SMG6: variants seen among roughly 807,000 people sequenced by gnomAD.
SMG6 encodes SMG6 nonsense mediated mRNA decay factor.
Under a neutral mutation model 142.2 loss-of-function variants are expected in SMG6, and 66 were observed. The observed-to-expected ratio is 0.46, with a 90% confidence interval of 0.38 to 0.57. The LOEUF (loss-of-function observed/expected upper bound fraction) is 0.57. Among genes scored for constraint, SMG6 ranks in the 20% least tolerant of loss-of-function variants. SMG6 has a pLI of 0.00. For missense variants in SMG6, 1,793 were observed against 1,832.0 expected (o/e 0.98, Z 0.39); for synonymous variants, 779 against 702.4 (o/e 1.11, Z -1.72).
chr17:2,291,132 C>T (rs772740666), intron 6 of SMG6, among the ~76,000 whole-genome samples: 8 of 152,084 alleles, frequency 5.3e-5, no homozygotes, highest in Non-Finnish European at 8.8e-5. Context: ...GAGGTCGAGA[C>T]CATCCTGGCT....
intron 13 of SMG6, among the ~76,000 whole-genome samples, chr17:2,092,730 C>T (rs2068757782): frequency 4.6e-5 from 7 of 152,188 alleles, no homozygotes; most frequent in Admixed American, 3.3e-4. Flanking sequence ...AAAACAGGGC[C>T]ATTCTGGCAA....
intron 10 of SMG6, among the ~76,000 whole-genome samples, chr17:2,205,261 G>C (rs2072643651): frequency 6.6e-6 from 1 of 151,884 alleles, no homozygotes; most frequent in Non-Finnish European, 1.5e-5. Context: ...TAGAAATTGA[G>C]TTTCACCATG....
At chr17:2,172,367 A>G (rs1355708962) in intron 13 of SMG6, among the ~76,000 whole-genome samples, 1 of 152,162 alleles carries the variant, frequency 6.6e-6, no homozygotes, top group African/African-American at 2.4e-5. Flanking sequence ...AACCATTTGG[A>G]GCTGAGTGAG....
chr17:2,218,239 C>T (rs376269808), intron 10 of SMG6, among the ~76,000 whole-genome samples: 3 of 151,756 alleles, frequency 2.0e-5, no homozygotes, highest in African/African-American at 7.3e-5. Context: ...ACAATTCATT[C>T]GTTAGTAAAA....
At chr17:2,230,508 G>A (rs894679116) in intron 10 of SMG6, among the ~76,000 whole-genome samples, 1 of 151,882 alleles carries the variant, frequency 6.6e-6, no homozygotes, top group Admixed American at 6.6e-5. Flanking sequence ...TATGATAAAA[G>A]GCTTAATTTT....
chr17:2,236,699 TCTCACACACACA>T (rs1316401685), intron 9 of SMG6, 62 bp from the exon 10 acceptor site: 84 of 1,460,652 alleles, frequency 5.8e-5, no homozygotes, highest in Middle Eastern at 2.5e-4. Flanking sequence ...TCTCACTCTG[TCTCACACACACA>T]CACACACACA....
intron 2 of SMG6, among the ~76,000 whole-genome samples, chr17:2,298,446 G>A (rs189827316): frequency 3.5e-4 from 54 of 152,244 alleles, no homozygotes; most frequent in South Asian, 2.7e-3. Context: ...AGGGCCGGGC[G>A]CGGTGGCTCA....
At chr17:2,114,975 A>G (rs7502763) in intron 13 of SMG6, among the ~76,000 whole-genome samples, 35,766 of 68,262 alleles carry the variant, frequency 0.52, 9,861 homozygotes, top group Non-Finnish European at 0.56. Context: ...GAAATGAAAT[A>G]AAATAAAATA....
At chr17:2,119,733 C>G (rs1183536179) in intron 13 of SMG6, among the ~76,000 whole-genome samples, 3 of 152,112 alleles carry the variant, frequency 2.0e-5, no homozygotes, top group African/African-American at 4.8e-5. Flanking sequence ...GTGATCTCGG[C>G]TCACTGCAAG....
chr17:2,060,454 G>A lies in SMG6; in HGVS notation c.*1038C>T, dbSNP rs2067740492. On this transcript the variant is annotated 3_prime_UTR_variant, in exon 19 of 19. Coordinates refer to ENST00000263073, the MANE Select transcript of SMG6 (RefSeq NM_017575.5). The stretch of plus-strand genomic sequence containing the variant: ...GTTTCTCCCAGCACAGGAGCCGAGG[G>A]TGGAAGGCCCTGGGTGGGAGACCTG... 1 of 152,308 alleles carries A rather than the reference G, an allele frequency of 6.6e-6. No homozygotes were observed. The highest frequency in any genetic ancestry group is 2.4e-5 in the African/African-American group (1 of 41,464). The allele number at this position is 152,308 out of a possible 1,614,324, so 9.4% of individuals were successfully genotyped here. A position where few individuals can be genotyped will look rare whatever the true frequency, so the allele number is the denominator to read the frequency against.
At chr17:2,249,070 T>A (rs1487058965) in intron 8 of SMG6, among the ~76,000 whole-genome samples, 3 of 151,748 alleles carry the variant, frequency 2.0e-5, no homozygotes, top group Non-Finnish European at 4.4e-5. Context: ...TTTTTTTGTA[T>A]TTTCAGTAGA....
intron 13 of SMG6, among the ~76,000 whole-genome samples, chr17:2,165,807 AGG>A (rs1382201782): frequency 2.6e-5 from 4 of 152,152 alleles, no homozygotes; most frequent in African/African-American, 9.7e-5. Flanking sequence ...CAGGAGGCTG[AGG>A]GGGGAGGATC....
At chr17:2,250,031 A>G (rs534899045) in intron 8 of SMG6, among the ~76,000 whole-genome samples, 4 of 152,354 alleles carry the variant, frequency 2.6e-5, no homozygotes, top group African/African-American at 7.2e-5. Flanking sequence ...AAAAGGATGA[A>G]ATGAAATAAT....
chr17:2,144,055 T>C (rs1469056163), intron 13 of SMG6, among the ~76,000 whole-genome samples: 11 of 80,852 alleles, frequency 1.4e-4, no homozygotes, highest in African/African-American at 9.0e-4. Flanking sequence ...GCCGCTTTTT[T>C]TTTTTTTTTT....
At chr17:2,294,704 C>T (rs1404167575) in intron 4 of SMG6, among the ~76,000 whole-genome samples, 1 of 152,156 alleles carries the variant, frequency 6.6e-6, no homozygotes, top group South Asian at 2.1e-4. Context: ...TTACAGTATA[C>T]ACCCCCAACA....
intron 13 of SMG6, among the ~76,000 whole-genome samples, chr17:2,107,252 G>C (rs2069180302): frequency 6.6e-6 from 1 of 152,102 alleles, no homozygotes; most frequent in Admixed American, 6.6e-5. Context: ...GCAGGGCAGG[G>C]ATCTAGACCT....
chr17:2,256,337 G>A (rs1024920491), intron 8 of SMG6, among the ~76,000 whole-genome samples: 3 of 152,102 alleles, frequency 2.0e-5, no homozygotes, highest in East Asian at 3.8e-4. Flanking sequence ...AACACAGAGG[G>A]AGGGAAGATG....
intron 12 of SMG6, among the ~76,000 whole-genome samples, chr17:2,182,637 T>G (rs2151676989): frequency 6.6e-6 from 1 of 152,166 alleles, no homozygotes; most frequent in African/African-American, 2.4e-5. Context: ...TCTAGGAGAC[T>G]CACATGGCTG....
chr17:2,248,549 C>T (rs565827250), intron 8 of SMG6, among the ~76,000 whole-genome samples: 2 of 152,264 alleles, frequency 1.3e-5, no homozygotes, highest in Middle Eastern at 3.4e-3. Flanking sequence ...TTGCCACTAC[C>T]GTATTTTAAC....
Sources: gnomAD v4.1 joint callset for allele counts (sites outside exome capture counted in the v4.1 genomes callset) on GRCh38, gnomAD v4.1.1 for gene constraint, MANE v1.5 for transcripts, NCBI Gene and HGNC (gene_info 2026-07-23, HGNC 2026-07-21) for gene names.